TRERF1: variants seen among roughly 807,000 people sequenced by gnomAD.
TRERF1 encodes the protein transcriptional-regulating factor 1.
A neutral mutation model predicts 122.9 loss-of-function variants in TRERF1; 27 were observed. The observed-to-expected ratio is 0.22, with a 90% CI of 0.16 to 0.30. The LOEUF is 0.30. TRERF1 is among the 10% of genes least tolerant of loss of function. The pLI is 1.00. For missense variants in TRERF1, 1,248 were observed against 1,560.3 expected (o/e 0.80, Z 3.37); for synonymous variants, 636 against 641.7 (o/e 0.99, Z 0.13).
At position 42,235,471 on chromosome 6, in the gene TRERF1, C is replaced by T. The variant is rs558174067; in HGVS notation, c.3066+734G>A. On this transcript the variant is annotated intron_variant, in intron 16 of 17. Transcript: ENST00000372922. ...TATGGAGCCTTAGACAAGGCCAGCA[C>T]AGATACCGTAAGGTCTTTCTTTAGT... Among the ~76,000 whole-genome samples the T allele has an allele frequency of 1.2e-4, 18 of 152,314 alleles. No homozygotes were observed. In the South Asian group the frequency reaches 3.7e-3, roughly 32 times the overall value.
chr6:42,398,254 C>G (rs1279223365), intron 2 of TRERF1, among the ~76,000 whole-genome samples: 2 of 152,162 alleles, frequency 1.3e-5, no homozygotes, highest in African/African-American at 4.8e-5. Context: ...TATCTCCAAC[C>G]CTACCCCCAA....
At chr6:42,266,576 A>C (rs748747327) in intron 5 of TRERF1, among the ~76,000 whole-genome samples, 5 of 152,218 alleles carry the variant, frequency 3.3e-5, no homozygotes, top group African/African-American at 1.2e-4. Context: ...TGAACCCCAG[A>C]CAAAACAAAC....
intron 3 of TRERF1, among the ~76,000 whole-genome samples, chr6:42,347,975 A>G (rs1768646794): frequency 1.3e-5 from 2 of 152,246 alleles, no homozygotes; most frequent in African/African-American, 2.4e-5. Flanking sequence ...ATGTATAGTT[A>G]TTACTGAAAG....
At position 42,259,656 on chromosome 6, in the gene TRERF1, T is replaced by G; in HGVS notation, c.1952A>C (p.Lys651Thr). 6.2e-7 allele frequency: 1 copy of G among 1,611,926 alleles called. No individual in the cohort carries two copies. The highest frequency in any genetic ancestry group is 8.5e-7 in the Non-Finnish European group (1 of 1,179,982). ...TTCCGGCCGGTGCCGGAACTTTTTC[T>G]TCTCCTGCACGGTCTTGAGGGGCTC... The change falls in exon 9 of 18, where the codon AAG becomes ACG. Residue 651 changes from lysine to threonine, a missense_variant. Physicochemically the swap from Lys to Thr is moderately conservative, Grantham distance 78. Transcript: ENST00000372922. The surrounding 1 kb of genome is among the most constrained non-coding windows in gnomAD (Gnocchi z 4.9).
intron 2 of TRERF1, among the ~76,000 whole-genome samples, chr6:42,429,885 G>T (rs1261398554): frequency 3.3e-5 from 5 of 152,166 alleles, no homozygotes; most frequent in African/African-American, 1.2e-4. Flanking sequence ...GGGCGAAGGT[G>T]TGGCGCACCT....
intron 3 of TRERF1, among the ~76,000 whole-genome samples, chr6:42,306,656 G>A (rs1787315953): frequency 6.6e-6 from 1 of 152,150 alleles, no homozygotes; most frequent in African/African-American, 2.4e-5. Flanking sequence ...CTACCCCAGG[G>A]CCTTTGCACA....
intron 17 of TRERF1, among the ~76,000 whole-genome samples, chr6:42,229,118 T>C (rs1355234983): frequency 6.6e-6 from 1 of 151,996 alleles, no homozygotes; most frequent in Non-Finnish European, 1.5e-5. Flanking sequence ...AGTTGAAAGT[T>C]GTTGGTTTTG....
intron 4 of TRERF1, among the ~76,000 whole-genome samples, chr6:42,283,907 C>T: frequency 6.6e-6 from 1 of 151,998 alleles, no homozygotes; most frequent in Non-Finnish European, 1.5e-5. Flanking sequence ...TGAGCCACTG[C>T]ACCCTGGCCA....
chr6:42,396,260 C>G (rs1005633240), intron 2 of TRERF1, among the ~76,000 whole-genome samples: 2 of 152,154 alleles, frequency 1.3e-5, no homozygotes, highest in Admixed American at 6.5e-5. Context: ...GCTTCAGGAG[C>G]TGAGAAATAA....
intron 8 of TRERF1, among the ~76,000 whole-genome samples, chr6:42,260,503 C>G (rs773628838): frequency 6.6e-6 from 1 of 152,154 alleles, no homozygotes; most frequent in African/African-American, 2.4e-5. Context: ...AACATAGGCA[C>G]GTAAACAGAT....
rs56057543 is a variant in TRERF1 at position 42,436,814 on chromosome 6, AATATAT to A, written c.-454+14357_-454+14362del. Among the ~76,000 whole-genome samples the A allele has an allele frequency of 2.3e-3, 151 of 66,662 alleles. 3 individuals carry two copies. The highest frequency in any genetic ancestry group is 6.1e-3 in the African/African-American group (116 of 18,922). 43.7% of individuals were successfully genotyped at this position (66,662 alleles called of 152,430 possible). On this transcript the variant is annotated intron_variant, in intron 2 of 17. Coordinates refer to ENST00000372922, the Ensembl canonical transcript of TRERF1. ...ATCTCCCTCTACAAAAAAAAAAAAA[AATATAT>A]ATATATATATATATATATATATATA...
At chr6:42,316,138 A>AAGTCAAGAAAGTCC (rs1442856294) in intron 3 of TRERF1, among the ~76,000 whole-genome samples, 2 of 152,112 alleles carry the variant, frequency 1.3e-5, no homozygotes, top group Non-Finnish European at 2.9e-5. Context: ...TTCTCCGCCA[A>AAGTCAAGAAAGTCC]AGTCAAGAAA....
At chr6:42,283,256 C>A (rs760303108) in intron 4 of TRERF1, among the ~76,000 whole-genome samples, 2 of 152,176 alleles carry the variant, frequency 1.3e-5, no homozygotes, top group Non-Finnish European at 1.5e-5. Context: ...ATGCATCGGG[C>A]GACTCAAAAT....
intron 2 of TRERF1, among the ~76,000 whole-genome samples, chr6:42,420,079 T>C (rs1200309500): frequency 6.6e-6 from 1 of 152,234 alleles, no homozygotes; most frequent in African/African-American, 2.4e-5. Flanking sequence ...CCTCTTTCTC[T>C]TGGGGAAGCA....
At position 42,276,595 on chromosome 6, in the gene TRERF1, C is replaced by G. The variant is rs1184888767; in HGVS notation, c.-258-6747G>C. 6.6e-6 allele frequency among the ~76,000 whole-genome samples: 1 copy of G among 152,158 alleles called. No homozygotes were observed. Among genetic ancestry groups the G allele is most frequent in the African/African-American group, 2.4e-5 (1 of 41,444 alleles). The stretch of plus-strand genomic sequence containing the variant: ...CAGTTCGCCGTCTTCTTTTTAGCAC[C>G]GTTGTTGTTCTAAATGCTTTCTGAT... On this transcript the variant is annotated intron_variant, in intron 4 of 17. Transcript: ENST00000372922. This position sits in a 1 kb window ranked among gnomAD's most constrained non-coding sequence, Gnocchi z 4.3.
chr6:42,282,281 C>T (rs1183407822), intron 4 of TRERF1, among the ~76,000 whole-genome samples: 1 of 152,202 alleles, frequency 6.6e-6, no homozygotes, highest in Non-Finnish European at 1.5e-5. Context: ...GGCACAGTGG[C>T]TCATGCCTGT....
chr6:42,273,069 G>A (rs531615486), intron 4 of TRERF1, among the ~76,000 whole-genome samples: 1 of 152,180 alleles, frequency 6.6e-6, no homozygotes, highest in East Asian at 1.9e-4. Flanking sequence ...CCCCGCCACT[G>A]GGTATCCTTC....
At chr6:42,419,038 TA>T (rs1449637569) in intron 2 of TRERF1, among the ~76,000 whole-genome samples, 3 of 152,154 alleles carry the variant, frequency 2.0e-5, no homozygotes, top group Non-Finnish European at 2.9e-5. Context: ...CAAGCTACGT[TA>T]CAACCCGGGT....
chr6:42,268,647 T>G lies in TRERF1; in HGVS notation c.944A>C (p.Gln315Pro), dbSNP rs777712936. Residue 315 changes from glutamine to proline, a missense_variant, in exon 5 of 18, where the codon CAG becomes CCG. Gln to Pro is a moderately conservative substitution (Grantham distance 76, BLOSUM62 -1). Around this residue, in one of 5 missense-constraint regions of TRERF1, gnomAD observed 946 missense variants for 1,073.0 expected, o/e 0.88. Transcript: ENST00000372922. This position sits in a 1 kb window ranked among gnomAD's most constrained non-coding sequence, Gnocchi z 4.4. ...TATCTGCATTGAACCCTGCCGCTGC[T>G]GCAGCTGTAGCTGCTGCGGCTGCTG... 12 of 1,614,030 alleles carry G rather than the reference T, an allele frequency of 7.4e-6. No homozygotes were observed. The highest frequency in any genetic ancestry group is 1.3e-5 in the African/African-American group (1 of 75,040).
Sources: gnomAD v4.1 joint callset for allele counts (sites outside exome capture counted in the v4.1 genomes callset) on GRCh38, gnomAD v4.1.1 for gene constraint, gnomAD v4.1.1 regional missense constraint, Gnocchi (gnomAD v3.1) non-coding constraint, MANE v1.5 for transcripts, NCBI Gene and HGNC (gene_info 2026-07-23, HGNC 2026-07-21) for gene names.